ANP32A: variants seen among roughly 807,000 people sequenced by gnomAD.
The protein encoded by ANP32A is acidic nuclear phosphoprotein 32 family member A, also known as acidic leucine-rich nuclear phosphoprotein 32 family member A.
ANP32A carries 1 observed loss-of-function variant against 33.9 expected under a neutral mutation model. The observed-to-expected ratio is 0.03, with a 90% CI of 0.01 to 0.14. The LOEUF (loss-of-function observed/expected upper bound fraction) is 0.14, where lower values mean the gene tolerates loss of function less well. Ranked by LOEUF, ANP32A falls within the 10% of genes least tolerant of loss-of-function variation. The pLI, the probability that ANP32A is intolerant of heterozygous loss-of-function variation, is 1.00. For synonymous variants in ANP32A, 115 were observed against 120.5 expected, an observed-to-expected ratio of 0.95 and a Z score of 0.30; for missense variants, 155 against 306.0, an observed-to-expected ratio of 0.51 and a Z score of 3.68.
Position 68,780,230 on chromosome 15 carries a change from G to GACT in ANP32A, c.689-91_689-89dup. The GACT allele has an allele frequency of 6.3e-7, 1 of 1,581,306 alleles. No homozygotes were observed. Among genetic ancestry groups the GACT allele is most frequent in the Non-Finnish European group, 8.6e-7 (1 of 1,159,952 alleles). On this transcript the variant is annotated intron_variant, in intron 6 of 6. Coordinates refer to ENST00000465139, the MANE Select transcript of ANP32A (RefSeq NM_006305.4). This position sits in a 1 kb window ranked among gnomAD's most constrained non-coding sequence, Gnocchi z 4.3. Reference sequence around the variant, plus strand: ...CCCAGTGAGAAGTCAGGGGACCCATGACTAGCAAGCTGTGCCATCCTTGGA... The same window carrying GACT: ...CCCAGTGAGAAGTCAGGGGACCCATGACTACTAGCAAGCTGTGCCATCCTTGGA...
rs907759068 is a variant in ANP32A at position 68,782,891 on chromosome 15, A to G, written c.624+65T>C. 3 of 1,545,228 alleles carry G rather than the reference A, an allele frequency of 1.9e-6. No individual in the cohort carries two copies. In the African/African-American group the frequency reaches 4.1e-5, roughly 21 times the overall value. ...CTCCGGGGCTGCCAAGACTGATCAC[A>G]GAGGCAGTCAGTGGGACTGCCTCAA... is the stretch of plus-strand genomic sequence containing the variant. On this transcript the variant is annotated intron_variant, in intron 5 of 6. Coordinates refer to ENST00000465139, the MANE Select transcript of ANP32A (RefSeq NM_006305.4).
chr15:68,780,328 A>T lies in ANP32A; in HGVS notation c.688+82T>A. 1 of 1,606,474 alleles carries T rather than the reference A, an allele frequency of 6.2e-7. No homozygotes were observed. The highest frequency in any genetic ancestry group is 8.5e-7 in the Non-Finnish European group (1 of 1,176,234). ...TGACAGGAGTGTCCTGCCCACTGCC[A>T]GGGGCCTCTGAGTCTAAGCAATCTA... is the stretch of plus-strand genomic sequence containing the variant. On this transcript the variant is annotated intron_variant, in intron 6 of 6. Coordinates refer to ENST00000465139, the MANE Select transcript of ANP32A (RefSeq NM_006305.4). This position sits in a 1 kb window ranked among gnomAD's most constrained non-coding sequence, Gnocchi z 4.3.
At chr15:68,784,182 A>G in intron 4 of ANP32A, 1 of 600,078 alleles carries the variant, frequency 1.7e-6, no homozygotes, top group Non-Finnish European at 3.0e-6. Flanking sequence ...AGGGAAGTCA[A>G]CCAATGAGAC....
Position 68,780,145 on chromosome 15 carries a change from G to A in ANP32A, c.689-3C>T, listed in dbSNP as rs1893848780. 6.2e-7 allele frequency: 1 copy of A among 1,613,410 alleles called. No homozygotes were observed. The highest frequency in any genetic ancestry group is 1.3e-5 in the African/African-American group (1 of 74,844). On this transcript the variant is annotated splice_polypyrimidine_tract_variant and splice_region_variant and intron_variant, in intron 6 of 6. Coordinates refer to ENST00000465139, the MANE Select transcript of ANP32A (RefSeq NM_006305.4). The surrounding 1 kb of genome is among the most constrained non-coding windows in gnomAD (Gnocchi z 4.3). ...TCGCTTCTGACCCCTTTCTTCTTCTGGAAAAGTAAGAAAGCGGCATTTAGA... is the reference window on the plus strand; with the variant it reads ...TCGCTTCTGACCCCTTTCTTCTTCTAGAAAAGTAAGAAAGCGGCATTTAGA...
Position 68,780,659 on chromosome 15 carries a change from G to A in ANP32A, c.625-186C>T. On this transcript the variant is annotated intron_variant, in intron 5 of 6. Transcript: ENST00000465139. This position sits in a 1 kb window ranked among gnomAD's most constrained non-coding sequence, Gnocchi z 4.3. ...TTATTTCAGATCAAGGACTCATTGGGAAATCTGCAGAAAGCTTTGAACTCC... is the reference window on the plus strand; with the variant it reads ...TTATTTCAGATCAAGGACTCATTGGAAAATCTGCAGAAAGCTTTGAACTCC... 5.3e-6 allele frequency: 5 copies of A among 948,976 alleles called. No homozygotes were observed. Among genetic ancestry groups the A allele is most frequent in the East Asian group, 5.7e-5 (2 of 35,266 alleles). The allele number at this position is 948,976 out of a possible 1,614,324, so 58.8% of individuals were successfully genotyped here. A position where few individuals can be genotyped will look rare whatever the true frequency, so the allele number is the denominator to read the frequency against.
intron 1 of ANP32A, among the ~76,000 whole-genome samples, chr15:68,803,001 A>G (rs1378683352): frequency 1.3e-5 from 2 of 152,086 alleles, no homozygotes; most frequent in Non-Finnish European, 2.9e-5. Flanking sequence ...CCATTCATTC[A>G]ATACACGCTC....
Position 68,808,435 on chromosome 15 carries a change from T to C in ANP32A, c.54+12263A>G, listed in dbSNP as rs576611986. ...AGGAGCCAGGCACCACCATCCACTA[T>C]AACCACTCTCTTCTCTCCTACCCAG... On this transcript the variant is annotated intron_variant, in intron 1 of 6. Coordinates refer to ENST00000465139, the MANE Select transcript of ANP32A (RefSeq NM_006305.4). Among the ~76,000 whole-genome samples, 4 of 152,356 alleles carry C rather than the reference T, an allele frequency of 2.6e-5. No individual in the cohort carries two copies. The South Asian group carries it at 8.3e-4, about 32-fold the overall frequency.
intron 3 of ANP32A, 81 bp from the exon 4 acceptor site, chr15:68,784,676 T>C (rs1483162113): frequency 6.7e-7 from 1 of 1,490,852 alleles, no homozygotes; most frequent in East Asian, 2.3e-5. Flanking sequence ...CAGGCAAGGA[T>C]GCCATGAGAT....
intron 1 of ANP32A, among the ~76,000 whole-genome samples, chr15:68,804,248 C>T (rs1036851303): frequency 2.0e-5 from 3 of 152,002 alleles, no homozygotes; most frequent in East Asian, 1.9e-4. Context: ...TCAAAGTTGC[C>T]GGGAGAAGGT....
chr15:68,810,063 G>A lies in ANP32A; in HGVS notation c.54+10635C>T, dbSNP rs74644039. Among the ~76,000 whole-genome samples the A allele has an allele frequency of 1.4e-4, 22 of 152,358 alleles. No individual in the cohort carries two copies. The East Asian group carries it at 4.2e-3, about 29-fold the overall frequency. On this transcript the variant is annotated intron_variant, in intron 1 of 6. Coordinates refer to ENST00000465139, the MANE Select transcript of ANP32A (RefSeq NM_006305.4). ...AGGCTGGAGATGGTAAAGATGACTAGATGCTAACTGGATACAGTGGCAATC... is the reference window on the plus strand; with the variant it reads ...AGGCTGGAGATGGTAAAGATGACTAAATGCTAACTGGATACAGTGGCAATC...
Position 68,787,828 on chromosome 15 carries a change from G to A in ANP32A, c.146C>T (p.Thr49Ile), listed in dbSNP as rs778006443. Residue 49 changes from threonine (T) to isoleucine (I), a missense_variant, in exon 2 of 7, where the codon ACA (threonine) becomes ATA (isoleucine). Around this residue, in one of 4 missense-constraint regions of ANP32A, gnomAD observed 85 missense variants for 183.8 expected, o/e 0.46. Coordinates refer to ENST00000465139, the MANE Select transcript of ANP32A (RefSeq NM_006305.4). ...GATTGAGGTGAGGCCTACGTTGATT[G>A]TACTTAAGAATTCCAGTTCTTCAAA... ...DEFEELEFLS[T>I]INVGLTSIAN... 6.2e-7 allele frequency: 1 copy of A among 1,614,050 alleles called. No homozygotes were observed. Among genetic ancestry groups the A allele is most frequent in the Non-Finnish European group, 8.5e-7 (1 of 1,179,996 alleles).
chr15:68,783,750 C>T (rs1432515380), intron 4 of ANP32A, among the ~76,000 whole-genome samples: 1 of 151,694 alleles, frequency 6.6e-6, no homozygotes, highest in Non-Finnish European at 1.5e-5. Context: ...CTGTAGGCCT[C>T]GACTACACAC....
chr15:68,784,321 A>C (rs2140359650), intron 4 of ANP32A, 76 bp downstream of exon 4: 31 of 1,388,888 alleles, frequency 2.2e-5, no homozygotes, highest in East Asian at 2.6e-5. Flanking sequence ...CAGCCCACCC[A>C]CCTCTGCAAA....
intron 5 of ANP32A, chr15:68,781,249 A>C (rs931561783): frequency 2.6e-5 from 4 of 152,104 alleles, no homozygotes; most frequent in African/African-American, 9.7e-5. Context: ...TTCCCTCATC[A>C]GTCTGTTTGC....
intron 4 of ANP32A, 64 bp from the exon 5 acceptor site, chr15:68,783,117 G>A: frequency 6.5e-7 from 1 of 1,545,322 alleles, no homozygotes; most frequent in Non-Finnish European, 8.7e-7. Flanking sequence ...CCCCCACACA[G>A]CACAGGCCCC....
intron 1 of ANP32A, chr15:68,817,717 C>A (rs1349073543): frequency 6.6e-6 from 1 of 152,232 alleles, no homozygotes. Flanking sequence ...TCGTCGTCCT[C>A]CCGGCGCCGC....
At chr15:68,795,319 T>G (rs1418015834) in intron 1 of ANP32A, among the ~76,000 whole-genome samples, 1 of 152,170 alleles carries the variant, frequency 6.6e-6, no homozygotes, top group African/African-American at 2.4e-5. Flanking sequence ...TCTGATTTTT[T>G]TTGTTGTTTG....
intron 1 of ANP32A, among the ~76,000 whole-genome samples, chr15:68,816,410 C>T (rs187544044): frequency 2.0e-4 from 31 of 152,170 alleles, no homozygotes; most frequent in African/African-American, 7.2e-4. Flanking sequence ...AATAATAATA[C>T]CTACCTCATA....
Position 68,778,774 on chromosome 15 carries a change from T to C in ANP32A, c.*1307A>G, listed in dbSNP as rs1302323044. 1 of 152,128 alleles carries C rather than the reference T, an allele frequency of 6.6e-6. No homozygotes were observed. Among genetic ancestry groups the C allele is most frequent in the Non-Finnish European group, 1.5e-5 (1 of 68,034 alleles). 9.4% of individuals were successfully genotyped at this position (152,128 alleles called of 1,614,324 possible). A position where few individuals can be genotyped will look rare whatever the true frequency, so the allele number is the denominator to read the frequency against. On this transcript the variant is annotated 3_prime_UTR_variant, in exon 7 of 7. Coordinates refer to ENST00000465139, the MANE Select transcript of ANP32A (RefSeq NM_006305.4). The stretch of plus-strand genomic sequence containing the variant: ...AATATCCAAACATAGTATCACATTA[T>C]ATATATCTCATAAGAAAAGCTATTC...
Sources: gnomAD v4.1 joint callset for allele counts (sites outside exome capture counted in the v4.1 genomes callset) on GRCh38, gnomAD v4.1.1 for gene constraint, gnomAD v4.1.1 regional missense constraint, Gnocchi (gnomAD v3.1) non-coding constraint, MANE v1.5 for transcripts, NCBI Gene and HGNC (gene_info 2026-07-23, HGNC 2026-07-21) for gene names.